The following AOAH variants were observed in gnomAD, a reference collection of about 807,000 sequenced individuals.
AOAH encodes the protein acyloxyacyl hydrolase, also known as acyloxyacyl hydrolase (neutrophil).
In AOAH, 64 loss-of-function variants were observed where a neutral mutation model predicts 92.2. The observed-to-expected ratio is 0.69, with a 90% CI of 0.57 to 0.86. The LOEUF (loss-of-function observed/expected upper bound fraction) is 0.86, where lower values mean the gene tolerates loss of function less well. AOAH is among the 40% of genes least tolerant of loss of function. The pLI, the probability that AOAH is intolerant of heterozygous loss-of-function variation, is 0.00. For missense variants in AOAH, 656 were observed against 694.6 expected (o/e 0.94, Z 0.62); for synonymous variants, 263 against 254.5 (o/e 1.03, Z -0.32).
chr7:36,615,156 T>C (rs1791765316), intron 11 of AOAH, among the ~76,000 whole-genome samples: 1 of 152,230 alleles, frequency 6.6e-6, no homozygotes, highest in Admixed American at 6.5e-5. Flanking sequence ...GACAAGCTAC[T>C]ACATAAGAAT....
At position 36,720,583 on chromosome 7, in the gene AOAH, C is replaced by A. The variant is rs549095809; in HGVS notation, c.127+3439G>T. ...TTCCAAGCTATGAGCCTCTGCCCTGCACTTCATGGTGCTCTGCTGGCTCTG... is the reference window on the plus strand; with the variant it reads ...TTCCAAGCTATGAGCCTCTGCCCTGAACTTCATGGTGCTCTGCTGGCTCTG... On this transcript the variant is annotated intron_variant, in intron 1 of 20. Transcript: ENST00000617537. 3.9e-5 allele frequency among the ~76,000 whole-genome samples: 6 copies of A among 152,320 alleles called. No individual in the cohort carries two copies. The East Asian group carries it at 5.8e-4, about 15-fold the overall frequency.
chr7:36,657,980 C>T (rs1794989383), intron 4 of AOAH, among the ~76,000 whole-genome samples: 1 of 152,110 alleles, frequency 6.6e-6, no homozygotes, highest in African/African-American at 2.4e-5. Context: ...CCCATTTCTT[C>T]CTTGCAATAT....
chr7:36,642,094 C>A (rs1406637139), intron 4 of AOAH, among the ~76,000 whole-genome samples: 2 of 152,074 alleles, frequency 1.3e-5, no homozygotes, highest in South Asian at 4.1e-4. Context: ...CATAACCCTG[C>A]AGAAGCTCAG....
At chr7:36,702,759 T>C (rs2116901889) in intron 1 of AOAH, among the ~76,000 whole-genome samples, 1 of 152,312 alleles carries the variant, frequency 6.6e-6, no homozygotes, top group Non-Finnish European at 1.5e-5. Context: ...GGTTGTTGAC[T>C]GATCAGGGTG....
At chr7:36,561,224 T>C (rs1201409268) in intron 13 of AOAH, among the ~76,000 whole-genome samples, 1 of 151,996 alleles carries the variant, frequency 6.6e-6, no homozygotes, top group Non-Finnish European at 1.5e-5. Flanking sequence ...GTATTTTTAG[T>C]AGAGATGGGG....
rs59203342 is a variant in AOAH at position 36,537,236 on chromosome 7, AT to A, written c.1306+3082del. ...TGGTTTCAGCTTTCTCCTTGATTGG[AT>A]TTTTTTTTTTTTTTCCAAAACTACT... is the stretch of plus-strand genomic sequence containing the variant. On this transcript the variant is annotated intron_variant, in intron 16 of 20. Coordinates refer to ENST00000617537, the MANE Select transcript of AOAH (RefSeq NM_001637.4). 9.1e-3 allele frequency among the ~76,000 whole-genome samples: 1,310 copies of A among 144,640 alleles called. 32 individuals are homozygous for A. The highest frequency in any genetic ancestry group is 0.031 in the African/African-American group (1,235 of 39,562). The allele number at this position is 144,640 out of a possible 152,430, so 94.9% of individuals were successfully genotyped here.
chr7:36,696,618 T>C (rs930903079), intron 1 of AOAH, among the ~76,000 whole-genome samples: 2 of 152,056 alleles, frequency 1.3e-5, no homozygotes, highest in African/African-American at 4.8e-5. Context: ...TCCCAGCACT[T>C]TGGGAGGCTG....
At chr7:36,521,787 A>G (rs780204995) in intron 20 of AOAH, among the ~76,000 whole-genome samples, 2 of 151,960 alleles carry the variant, frequency 1.3e-5, no homozygotes, top group African/African-American at 2.4e-5. Context: ...GTTTCTCAGG[A>G]ATGCCCTGCA....
At chr7:36,515,708 C>CA (rs1783625638) in intron 20 of AOAH, among the ~76,000 whole-genome samples, 1 of 133,332 alleles carries the variant, frequency 7.5e-6, no homozygotes, top group African/African-American at 3.0e-5. Flanking sequence ...CACACACCCC[C>CA]CCACACACCA....
chr7:36,688,349 A>G (rs904432837), intron 1 of AOAH, among the ~76,000 whole-genome samples: 2 of 152,218 alleles, frequency 1.3e-5, no homozygotes, highest in Non-Finnish European at 2.9e-5. Context: ...CAACCCACCC[A>G]GACAGAGATA....
chr7:36,605,743 C>G (rs553497682), intron 11 of AOAH, among the ~76,000 whole-genome samples: 1 of 152,288 alleles, frequency 6.6e-6, no homozygotes, highest in East Asian at 1.9e-4. Flanking sequence ...GTGAGAGACG[C>G]AGATTCTCAC....
At chr7:36,629,132 T>C (rs748423710) in intron 6 of AOAH, among the ~76,000 whole-genome samples, 16 of 152,262 alleles carry the variant, frequency 1.1e-4, no homozygotes, top group Non-Finnish European at 1.9e-4. Context: ...TGCATTTATA[T>C]GTATACGTGC....
chr7:36,614,252 GT>G lies in AOAH; in HGVS notation c.846+2127del, dbSNP rs1791687562. On this transcript the variant is annotated intron_variant, in intron 11 of 20. Coordinates refer to ENST00000617537, the MANE Select transcript of AOAH (RefSeq NM_001637.4). The surrounding 1 kb of genome is among the most constrained non-coding windows in gnomAD (Gnocchi z 4.2). ...GTGGCACTGCCCCACATTTTTTATT[GT>G]GTTGTTTGATAGGTCCATCCAGAAG... Among the ~76,000 whole-genome samples the G allele has an allele frequency of 1.3e-5, 2 of 152,054 alleles. No homozygotes were observed. Among genetic ancestry groups the G allele is most frequent in the African/African-American group, 4.8e-5 (2 of 41,394 alleles).
At chr7:36,682,265 ACAGT>A (rs5883571) in intron 2 of AOAH, among the ~76,000 whole-genome samples, 14,006 of 152,222 alleles carry the variant, frequency 0.092, 777 homozygotes, top group Non-Finnish European at 0.12. Context: ...AAATAGGGAA[ACAGT>A]CAGAAAAATC....
At chr7:36,640,328 C>CA (rs35534472) in intron 4 of AOAH, among the ~76,000 whole-genome samples, 56,840 of 151,986 alleles carry the variant, frequency 0.37, 11,387 homozygotes, top group African/African-American at 0.52. Flanking sequence ...GGGTAGGACC[C>CA]ACAAACTAGA....
Position 36,516,299 on chromosome 7 carries a change from C to T in AOAH, c.1600-2919G>A, listed in dbSNP as rs549950452. On this transcript the variant is annotated intron_variant, in intron 20 of 20. Coordinates refer to ENST00000617537, the MANE Select transcript of AOAH (RefSeq NM_001637.4). The surrounding 1 kb of genome is among the most constrained non-coding windows in gnomAD (Gnocchi z 5.0). ...CACATATAACATACACACACCCCCC[C>T]ACACAGATACCACACACACACACAC... Among the ~76,000 whole-genome samples the T allele has an allele frequency of 6.8e-6, 1 of 147,578 alleles. No individual in the cohort carries two copies. Among genetic ancestry groups the T allele is most frequent in the African/African-American group, 2.5e-5 (1 of 39,496 alleles).
At chr7:36,671,480 G>A (rs1050168901) in intron 3 of AOAH, among the ~76,000 whole-genome samples, 1 of 152,180 alleles carries the variant, frequency 6.6e-6, no homozygotes, top group African/African-American at 2.4e-5. Context: ...AAAGTAAATG[G>A]ATAATTCAGT....
At chr7:36,715,358 A>C (rs957484643) in intron 1 of AOAH, among the ~76,000 whole-genome samples, 11 of 152,212 alleles carry the variant, frequency 7.2e-5, no homozygotes, top group African/African-American at 2.4e-4. Context: ...TTCCATGCTC[A>C]TGGGTAGGAA....
rs752991026 is a variant in AOAH, at chr7:36,521,999, A to G, written c.1599+40T>C. Reference sequence around the variant, plus strand: ...AACCATAATTAAAAACCAACAAACCATCAAATAGCCTTCTGCAGCCACCAT... The same window carrying G: ...AACCATAATTAAAAACCAACAAACCGTCAAATAGCCTTCTGCAGCCACCAT... On this transcript the variant is annotated intron_variant, in intron 20 of 20. Coordinates refer to ENST00000617537, the MANE Select transcript of AOAH (RefSeq NM_001637.4). 4.3e-5 allele frequency: 66 copies of G among 1,549,928 alleles called. No individual in the cohort carries two copies. In the East Asian group the frequency reaches 1.2e-3, roughly 28 times the overall value.
Sources: allele counts gnomAD v4.1 joint callset (sites outside exome capture counted in the v4.1 genomes callset), GRCh38; gene constraint gnomAD v4.1.1; non-coding constraint Gnocchi (gnomAD v3.1); transcripts MANE v1.5; gene names NCBI Gene and HGNC (gene_info 2026-07-23, HGNC 2026-07-21).